EPB41L5: variants seen among roughly 807,000 people sequenced by gnomAD.
EPB41L5 encodes the protein erythrocyte membrane protein band 4.1 like 5.
In EPB41L5, 55 loss-of-function variants were observed where a neutral mutation model predicts 106.6. The observed-to-expected ratio is 0.52, with a 90% CI of 0.42 to 0.65. EPB41L5 has a LOEUF of 0.65. Ranked by LOEUF, EPB41L5 falls within the 30% of genes least tolerant of loss-of-function variation. The pLI is 0.00. For missense variants in EPB41L5, 871 were observed against 882.1 expected, an observed-to-expected ratio of 0.99 and a Z score of 0.16; for synonymous variants, 297 against 306.7, an observed-to-expected ratio of 0.97 and a Z score of 0.33.
At chr2:120,117,695 G>T (rs934572156) in intron 16 of EPB41L5, among the ~76,000 whole-genome samples, 1 of 152,090 alleles carries the variant, frequency 6.6e-6, no homozygotes, top group Non-Finnish European at 1.5e-5. Context: ...AAAGTGTTTT[G>T]AGTTTGGACA....
At chr2:120,174,715 A>G in intron 24 of EPB41L5, 126 bp from the exon 25 acceptor site, 1 of 774,556 alleles carries the variant, frequency 1.3e-6, no homozygotes, top group South Asian at 1.4e-5. Context: ...AGGTGTTACT[A>G]CATATTGACT....
chr2:120,040,733 G>C (rs186325225), intron 2 of EPB41L5, among the ~76,000 whole-genome samples: 16 of 152,260 alleles, frequency 1.1e-4, no homozygotes, highest in African/African-American at 3.8e-4. Flanking sequence ...AACTTGATGG[G>C]AATTGGGTGG....
At chr2:120,059,959 C>CAAGA (rs1410493001) in intron 3 of EPB41L5, among the ~76,000 whole-genome samples, 137 of 152,222 alleles carry the variant, frequency 9.0e-4, no homozygotes, top group African/African-American at 3.2e-3. Context: ...GAACAAAAGA[C>CAAGA]ATGAAGAGAC....
At chr2:120,015,320 CAAA>C (rs531896856) in intron 1 of EPB41L5, among the ~76,000 whole-genome samples, 1 of 124,414 alleles carries the variant, frequency 8.0e-6, no homozygotes. Flanking sequence ...GAGCGAGACT[CAAA>C]AAAAAAAAAA....
intron 16 of EPB41L5, among the ~76,000 whole-genome samples, chr2:120,119,042 A>G (rs1407554030): frequency 6.6e-6 from 1 of 152,060 alleles, no homozygotes; most frequent in Admixed American, 6.5e-5. Flanking sequence ...ATGGTGTGAG[A>G]TGGTATCTCA....
chr2:120,051,484 G>A (rs985955129), intron 3 of EPB41L5, among the ~76,000 whole-genome samples: 7 of 152,218 alleles, frequency 4.6e-5, no homozygotes, highest in South Asian at 4.1e-4. Context: ...CTGGTGTGCC[G>A]TTTGCTAAGA....
At chr2:120,136,492 T>C (rs977393072) in intron 18 of EPB41L5, among the ~76,000 whole-genome samples, 2 of 140,786 alleles carry the variant, frequency 1.4e-5, no homozygotes, top group African/African-American at 5.2e-5. Flanking sequence ...AAGCCCCCAA[T>C]GATCAGCTGC....
At chr2:120,083,042 T>G (rs535809372) in intron 10 of EPB41L5, among the ~76,000 whole-genome samples, 2 of 151,006 alleles carry the variant, frequency 1.3e-5, no homozygotes, top group African/African-American at 4.8e-5. Context: ...TTGTTGATCT[T>G]TTCAAAAAAC....
In EPB41L5 at chr2:120,060,181, G is replaced by A. The variant is rs535804537; in HGVS notation, c.286-12997G>A. ...GTTGTTGGGATTGTAAAGTGATATCGCTACTCTGGAAGATAATCTGGCAGT... is the reference window on the plus strand; with the variant it reads ...GTTGTTGGGATTGTAAAGTGATATCACTACTCTGGAAGATAATCTGGCAGT... On this transcript the variant is annotated intron_variant, in intron 3 of 24. Transcript: ENST00000263713. Among the ~76,000 whole-genome samples, 348 of 152,282 alleles carry A rather than the reference G, an allele frequency of 2.3e-3. 2 individuals carry two copies. Among genetic ancestry groups the A allele is most frequent in the Non-Finnish European group, 3.9e-3 (262 of 68,018 alleles).
chr2:120,163,425 A>C (rs1481134607), intron 21 of EPB41L5, among the ~76,000 whole-genome samples: 4 of 151,970 alleles, frequency 2.6e-5, no homozygotes, highest in African/African-American at 7.3e-5. Flanking sequence ...TGTGTCCTTT[A>C]TAAGGTACTT....
chr2:120,035,038 A>G (rs1374602684), intron 2 of EPB41L5, among the ~76,000 whole-genome samples: 1 of 152,234 alleles, frequency 6.6e-6, no homozygotes, highest in African/African-American at 2.4e-5. Flanking sequence ...TTAAACGCAC[A>G]TACACAGTTG....
At chr2:120,083,144 T>C (rs1162508393) in intron 10 of EPB41L5, among the ~76,000 whole-genome samples, 5 of 152,242 alleles carry the variant, frequency 3.3e-5, no homozygotes, top group Non-Finnish European at 5.9e-5. Context: ...TGCCTTCTGC[T>C]AGCTTTTGAA....
rs139599074 is a variant in EPB41L5 at position 120,131,599 on chromosome 2, C to CTTT, written c.1502-11_1502-9dup. The CTTT allele has an allele frequency of 3.0e-6, 4 of 1,342,406 alleles. No individual in the cohort carries two copies. The highest frequency in any genetic ancestry group is 2.1e-6 in the Non-Finnish European group (2 of 965,184). The allele number at this position is 1,342,406 out of a possible 1,614,324, so 83.2% of individuals were successfully genotyped here. Reference sequence around the variant, plus strand: ...GCCTGGCAGACTGGGGTTATTTTGCCTTTTTTTTTTCTTTTCAGCATTAAA... The same window carrying CTTT: ...GCCTGGCAGACTGGGGTTATTTTGCCTTTTTTTTTTTTTCTTTTCAGCATTAAA... On this transcript the variant is annotated intron_variant, in intron 17 of 24. Coordinates refer to ENST00000263713, the MANE Select transcript of EPB41L5 (RefSeq NM_020909.4).
At chr2:120,052,838 T>C (rs1558828720) in intron 3 of EPB41L5, among the ~76,000 whole-genome samples, 2 of 152,216 alleles carry the variant, frequency 1.3e-5, no homozygotes, top group East Asian at 1.9e-4. Flanking sequence ...TCGAATACCA[T>C]GAATACCATA....
Position 120,143,080 on chromosome 2 carries a change from T to G in EPB41L5, c.1677T>G (p.Pro559=). ...CAGGATTGAATGTCATGAGAGTTCCTCCTGACTTCAAGAGTAACATTTTGA... is the reference window on the plus strand; with the variant it reads ...CAGGATTGAATGTCATGAGAGTTCCGCCTGACTTCAAGAGTAACATTTTGA... The part of the protein sequence containing the change: ...ESPGLNVMRV[P]PDFKSNILKA... Residue 559 remains proline, a synonymous_variant, in exon 19 of 25, where the codon CCT becomes CCG. Coordinates refer to ENST00000263713, the MANE Select transcript of EPB41L5 (RefSeq NM_020909.4). 1.2e-6 allele frequency: 2 copies of G among 1,610,654 alleles called. No individual in the cohort carries two copies. Among genetic ancestry groups the G allele is most frequent in the Non-Finnish European group, 1.7e-6 (2 of 1,178,834 alleles).
chr2:120,129,459 A>C lies in EPB41L5; in HGVS notation c.1501+1608A>C, dbSNP rs147749955. The stretch of plus-strand genomic sequence containing the variant: ...ATTCAGCCAGAACCATGACTATCTT[A>C]ATGCAGAGTATTTCCAGGGTTAAAA... On this transcript the variant is annotated intron_variant, in intron 17 of 24. Coordinates refer to ENST00000263713, the MANE Select transcript of EPB41L5 (RefSeq NM_020909.4). Among the ~76,000 whole-genome samples the C allele has an allele frequency of 1.2e-3, 187 of 152,320 alleles. 2 individuals carry two copies. In the East Asian group the frequency reaches 0.033, roughly 27 times the overall value.
rs59879914 is a variant in EPB41L5, at chr2:120,099,917, G to A, written c.1179-327G>A. On this transcript the variant is annotated intron_variant, in intron 14 of 24. Transcript: ENST00000263713. Reference sequence around the variant, plus strand: ...GACAGATAAGTTTATGTGGGATTGTGTTGCTGTCTTTGTTAGGCCATCCTT... The same window carrying A: ...GACAGATAAGTTTATGTGGGATTGTATTGCTGTCTTTGTTAGGCCATCCTT... Among the ~76,000 whole-genome samples, 1,108 of 152,320 alleles carry A rather than the reference G, an allele frequency of 7.3e-3. 16 individuals are homozygous for A. Among genetic ancestry groups the A allele is most frequent in the African/African-American group, 0.025 (1,034 of 41,572 alleles).
At chr2:120,014,528 T>G (rs1461566553) in intron 1 of EPB41L5, among the ~76,000 whole-genome samples, 2 of 152,184 alleles carry the variant, frequency 1.3e-5, no homozygotes, top group Non-Finnish European at 2.9e-5. Flanking sequence ...TTACAATTTC[T>G]TTGTTATAAA....
intron 1 of EPB41L5, among the ~76,000 whole-genome samples, chr2:120,016,384 C>T (rs2861026): frequency 0.69 from 104,219 of 151,476 alleles, 37,401 homozygotes; most frequent in Non-Finnish European, 0.79. Flanking sequence ...GAGCCGAGAT[C>T]GCGCCATTGC....
Sources: gnomAD v4.1 joint callset for allele counts (sites outside exome capture counted in the v4.1 genomes callset) on GRCh38, gnomAD v4.1.1 for gene constraint, MANE v1.5 for transcripts, NCBI Gene and HGNC (gene_info 2026-07-23, HGNC 2026-07-21) for gene names.